Variants in TAFA2 observed in about 807,000 individuals in gnomAD.
The protein encoded by TAFA2 is chemokine-like protein TAFA-2.
In TAFA2, 7 loss-of-function variants were observed where a neutral mutation model predicts 18.8. The ratio of observed to expected loss-of-function variants is 0.37; its 90% CI spans 0.21 to 0.70. The LOEUF (loss-of-function observed/expected upper bound fraction) is 0.70, where lower values mean the gene tolerates loss of function less well. Among genes scored for constraint, TAFA2 ranks in the 30% least tolerant of loss-of-function variants. The pLI is 0.53. For synonymous variants in TAFA2, 60 were observed against 54.2 expected, an observed-to-expected ratio of 1.11 and a Z score of -0.47; for missense variants, 122 against 158.1, an observed-to-expected ratio of 0.77 and a Z score of 1.23.
intron 2 of TAFA2, among the ~76,000 whole-genome samples, chr12:61,833,321 C>T (rs1872788430): frequency 1.3e-5 from 2 of 151,626 alleles, no homozygotes; most frequent in Non-Finnish European, 2.9e-5. Context: ...ACATATCACT[C>T]TTTGTCCCCA....
intron 1 of TAFA2, among the ~76,000 whole-genome samples, chr12:61,996,691 C>T (rs1274534025): frequency 6.6e-6 from 1 of 152,180 alleles, no homozygotes; most frequent in Non-Finnish European, 1.5e-5. Context: ...TCTCCTCTTT[C>T]TCTCTTCCAA....
At chr12:62,186,176 G>T (rs1456124080) in intron 1 of TAFA2, among the ~76,000 whole-genome samples, 1 of 152,144 alleles carries the variant, frequency 6.6e-6, no homozygotes, top group Non-Finnish European at 1.5e-5. Flanking sequence ...TCAACAGAAA[G>T]TTCCATGTGC....
At chr12:61,855,661 T>C (rs1049205911) in intron 2 of TAFA2, among the ~76,000 whole-genome samples, 40 of 152,250 alleles carry the variant, frequency 2.6e-4, no homozygotes, top group African/African-American at 8.9e-4. Flanking sequence ...ATATATATTT[T>C]TAAATTTCTG....
intron 1 of TAFA2, among the ~76,000 whole-genome samples, chr12:61,928,270 G>C (rs1442803581): frequency 6.6e-6 from 1 of 152,072 alleles, no homozygotes; most frequent in East Asian, 1.9e-4. Context: ...ATCTGACAAG[G>C]GGCTGATAGC....
chr12:61,864,772 CAA>C (rs34286549), intron 2 of TAFA2, among the ~76,000 whole-genome samples: 10,211 of 77,690 alleles, frequency 0.13, 266 homozygotes, highest in East Asian at 0.24. Flanking sequence ...GACTCCGTCT[CAA>C]AAAAAAAAAA....
intron 1 of TAFA2, among the ~76,000 whole-genome samples, chr12:61,977,358 T>C (rs960799045): frequency 3.9e-5 from 6 of 152,026 alleles, no homozygotes; most frequent in Non-Finnish European, 8.8e-5. Flanking sequence ...TTATCTCCTT[T>C]CCTGATAGTC....
intron 1 of TAFA2, among the ~76,000 whole-genome samples, chr12:61,930,607 T>C (rs1877515242): frequency 6.6e-6 from 1 of 152,262 alleles, no homozygotes. Context: ...CTAATCACTC[T>C]AATCATCACG....
intron 1 of TAFA2, among the ~76,000 whole-genome samples, chr12:62,033,228 T>C (rs1881507706): frequency 6.6e-6 from 1 of 152,180 alleles, no homozygotes; most frequent in Non-Finnish European, 1.5e-5. Flanking sequence ...TATGAAACAC[T>C]ACCATGTGCC....
At chr12:61,820,037 G>C (rs1293569942) in intron 2 of TAFA2, among the ~76,000 whole-genome samples, 1 of 151,980 alleles carries the variant, frequency 6.6e-6, no homozygotes, top group East Asian at 1.9e-4. Flanking sequence ...ACCTTATCCA[G>C]AAACATTTTT....
At chr12:62,075,472 G>A (rs944567583) in intron 1 of TAFA2, among the ~76,000 whole-genome samples, 7 of 152,130 alleles carry the variant, frequency 4.6e-5, no homozygotes, top group African/African-American at 1.7e-4. Context: ...TTGCTTGAAT[G>A]GAAATCACTG....
chr12:61,977,683 CTT>C (rs1221142155), intron 1 of TAFA2, among the ~76,000 whole-genome samples: 1 of 152,094 alleles, frequency 6.6e-6, no homozygotes, highest in African/African-American at 2.4e-5. Flanking sequence ...CTAGCTTTCT[CTT>C]GTTTGCTTTC....
At chr12:62,180,381 A>G (rs924625017) in intron 1 of TAFA2, among the ~76,000 whole-genome samples, 8 of 152,336 alleles carry the variant, frequency 5.3e-5, no homozygotes, top group Non-Finnish European at 1.0e-4. Flanking sequence ...CTTGAGAATC[A>G]TCAGAGAATC....
At chr12:62,033,701 C>T (rs547359308) in intron 1 of TAFA2, among the ~76,000 whole-genome samples, 11 of 152,144 alleles carry the variant, frequency 7.2e-5, no homozygotes, top group East Asian at 5.8e-4. Context: ...TATATATACA[C>T]GTTATATACC....
chr12:62,150,089 T>A (rs1174190933), intron 1 of TAFA2, among the ~76,000 whole-genome samples: 3 of 152,184 alleles, frequency 2.0e-5, no homozygotes, highest in Non-Finnish European at 2.9e-5. Context: ...AGGGGTACAT[T>A]CAGATGCTGT....
At chr12:62,148,112 G>A (rs1290931387) in intron 1 of TAFA2, among the ~76,000 whole-genome samples, 1 of 152,186 alleles carries the variant, frequency 6.6e-6, no homozygotes, top group Non-Finnish European at 1.5e-5. Flanking sequence ...TACACTGTTG[G>A]TGGGAATGCA....
At chr12:61,941,712 G>A (rs555269389) in intron 1 of TAFA2, among the ~76,000 whole-genome samples, 19 of 152,298 alleles carry the variant, frequency 1.2e-4, no homozygotes, top group African/African-American at 4.6e-4. Flanking sequence ...GGAAAATGGG[G>A]TCACTCCCAC....
chr12:61,890,288 G>A (rs143467749), intron 1 of TAFA2: 3 of 152,348 alleles, frequency 2.0e-5, no homozygotes, highest in African/African-American at 7.2e-5. Context: ...TTCCTGTCAT[G>A]TCTGCTCAGT....
intron 2 of TAFA2, among the ~76,000 whole-genome samples, chr12:61,866,050 T>C (rs1355242357): frequency 1.3e-5 from 2 of 152,196 alleles, no homozygotes; most frequent in Non-Finnish European, 2.9e-5. Context: ...CTTTTTAATT[T>C]TACACTGATA....
intron 1 of TAFA2, among the ~76,000 whole-genome samples, chr12:62,104,285 A>AAAAGCT (rs1419490007): frequency 2.0e-5 from 3 of 152,122 alleles, no homozygotes; most frequent in Non-Finnish European, 4.4e-5. Context: ...GCAAAAAAAA[A>AAAAGCT]AAAAGCTAAT....
Sources: gnomAD v4.1 joint callset for allele counts (sites outside exome capture counted in the v4.1 genomes callset) on GRCh38, gnomAD v4.1.1 for gene constraint, MANE v1.5 for transcripts, NCBI Gene and HGNC (gene_info 2026-07-23, HGNC 2026-07-21) for gene names.